Variants in EYS observed in about 807,000 individuals in gnomAD.
The protein encoded by EYS is protein eyes shut homolog.
Under a neutral mutation model 282.1 loss-of-function variants are expected in EYS, and 250 were observed. That is an observed-to-expected ratio of 0.89 (90% CI 0.80 to 0.98). EYS has a LOEUF of 0.98. Ranked by LOEUF, EYS falls within the 50% of genes least tolerant of loss-of-function variation. The pLI, the probability that EYS is intolerant of heterozygous loss-of-function variation, is 0.00. For synonymous variants in EYS, 1,355 were observed against 1,282.9 expected, an observed-to-expected ratio of 1.06 and a Z score of -1.20; for missense variants, 4,016 against 3,709.0, an observed-to-expected ratio of 1.08 and a Z score of -2.15.
intron 30 of EYS, among the ~76,000 whole-genome samples, chr6:64,265,139 A>G (rs1011427609): frequency 6.6e-6 from 1 of 151,948 alleles, no homozygotes; most frequent in Non-Finnish European, 1.5e-5. Context: ...ACTTTTTCTT[A>G]TTTTTTATTA....
At chr6:65,417,466 G>A (rs1355699779) in intron 5 of EYS, among the ~76,000 whole-genome samples, 1 of 151,968 alleles carries the variant, frequency 6.6e-6, no homozygotes, top group Non-Finnish European at 1.5e-5. Context: ...CTAGGATTGA[G>A]CACACAACCT....
chr6:64,533,268 A>G (rs1242882890), intron 26 of EYS, among the ~76,000 whole-genome samples: 1 of 152,170 alleles, frequency 6.6e-6, no homozygotes, highest in Admixed American at 6.5e-5. Context: ...GAGAAGTAAA[A>G]AAGAGTGGAA....
At chr6:64,247,452 G>C (rs964144875) in intron 30 of EYS, among the ~76,000 whole-genome samples, 1 of 152,070 alleles carries the variant, frequency 6.6e-6, no homozygotes, top group Non-Finnish European at 1.5e-5. Flanking sequence ...GCCAGGATTT[G>C]AAAAACAAAA....
intron 12 of EYS, among the ~76,000 whole-genome samples, chr6:65,078,677 A>C (rs1159378188): frequency 6.6e-6 from 1 of 152,092 alleles, no homozygotes; most frequent in Non-Finnish European, 1.5e-5. Context: ...AATCAAATTT[A>C]GGTACATTTT....
chr6:65,360,831 C>G (rs1415964317), intron 8 of EYS, among the ~76,000 whole-genome samples: 1 of 151,976 alleles, frequency 6.6e-6, no homozygotes, highest in Non-Finnish European at 1.5e-5. Flanking sequence ...GACAGTATTG[C>G]AAACAATGGG....
At chr6:65,014,608 T>C (rs1352480479) in intron 13 of EYS, among the ~76,000 whole-genome samples, 2 of 151,776 alleles carry the variant, frequency 1.3e-5, no homozygotes, top group Admixed American at 6.6e-5. Flanking sequence ...GTTCAGGAGA[T>C]TGAAAACAAA....
intron 35 of EYS, among the ~76,000 whole-genome samples, chr6:63,982,943 A>T (rs1486824398): frequency 6.6e-6 from 1 of 151,774 alleles, no homozygotes; most frequent in Non-Finnish European, 1.5e-5. Context: ...TCCCGTTTCT[A>T]TTTCACTTAA....
intron 5 of EYS, among the ~76,000 whole-genome samples, chr6:65,472,919 A>C (rs1177895490): frequency 1.3e-5 from 2 of 151,728 alleles, no homozygotes; most frequent in East Asian, 3.9e-4. Context: ...CCAAACTCCT[A>C]AGGTCCCTAG....
At chr6:64,966,945 T>G (rs1054600688) in intron 14 of EYS, among the ~76,000 whole-genome samples, 1 of 152,180 alleles carries the variant, frequency 6.6e-6, no homozygotes, top group Non-Finnish European at 1.5e-5. Flanking sequence ...TCTCTGGCAT[T>G]CTATATACAA....
intron 9 of EYS, among the ~76,000 whole-genome samples, chr6:65,348,115 C>A (rs1770469703): frequency 6.6e-6 from 1 of 151,496 alleles, no homozygotes; most frequent in Admixed American, 6.6e-5. Context: ...TACCATATTT[C>A]CCTTACTCAT....
chr6:64,938,060 C>A (rs937973801), intron 15 of EYS, among the ~76,000 whole-genome samples: 1 of 151,396 alleles, frequency 6.6e-6, no homozygotes, highest in Non-Finnish European at 1.5e-5. Flanking sequence ...TATGAAATGT[C>A]CAGAACAGAC....
chr6:64,095,053 G>A (rs1157954768), intron 31 of EYS, among the ~76,000 whole-genome samples: 2 of 152,118 alleles, frequency 1.3e-5, no homozygotes, highest in Non-Finnish European at 2.9e-5. Flanking sequence ...TTTCCATGTG[G>A]TTGAGCGGTT....
At chr6:64,890,533 C>A (rs957836392) in intron 18 of EYS, among the ~76,000 whole-genome samples, 3 of 152,052 alleles carry the variant, frequency 2.0e-5, no homozygotes, top group African/African-American at 7.2e-5. Flanking sequence ...AGAAAAGAAC[C>A]TACGTGAATA....
intron 8 of EYS, among the ~76,000 whole-genome samples, chr6:65,365,317 G>A (rs768506835): frequency 2.6e-5 from 4 of 151,378 alleles, no homozygotes; most frequent in African/African-American, 7.3e-5. Flanking sequence ...GCCTTCTTAC[G>A]CCTGAAAAAT....
intron 12 of EYS, among the ~76,000 whole-genome samples, chr6:65,114,036 A>G (rs1315171965): frequency 6.6e-6 from 1 of 152,128 alleles, no homozygotes; most frequent in African/African-American, 2.4e-5. Context: ...TAATATCTCC[A>G]TCCACCAAAT....
chr6:65,544,001 A>AGTGTGTGTGT (rs751872447), intron 2 of EYS, among the ~76,000 whole-genome samples: 7,990 of 144,714 alleles, frequency 0.055, 226 homozygotes, highest in East Asian at 0.077. Context: ...AAAAAGAGAA[A>AGTGTGTGTGT]GTGTGTGTGT....
chr6:65,182,576 T>G (rs1402349600), intron 12 of EYS, among the ~76,000 whole-genome samples: 2 of 151,762 alleles, frequency 1.3e-5, no homozygotes, highest in Non-Finnish European at 2.9e-5. Context: ...TTCCTTGACA[T>G]ATATAATATT....
At chr6:64,888,660 T>G (rs1212590954) in intron 18 of EYS, among the ~76,000 whole-genome samples, 2 of 152,036 alleles carry the variant, frequency 1.3e-5, no homozygotes, top group East Asian at 3.9e-4. Context: ...ACTAACTTCT[T>G]GAATTTTTGT....
chr6:64,684,213 G>T (rs1045242827), intron 22 of EYS, among the ~76,000 whole-genome samples: 2 of 152,102 alleles, frequency 1.3e-5, no homozygotes, highest in African/African-American at 4.8e-5. Flanking sequence ...AAAAAGGTAG[G>T]CTGGAAGACA....
Sources: gnomAD v4.1 joint callset for allele counts (sites outside exome capture counted in the v4.1 genomes callset) on GRCh38, gnomAD v4.1.1 for gene constraint, MANE v1.5 for transcripts, NCBI Gene and HGNC (gene_info 2026-07-23, HGNC 2026-07-21) for gene names.